Variants in THBS2 observed in about 807,000 individuals in gnomAD.
THBS2 encodes thrombospondin 2.
A neutral mutation model predicts 135.2 loss-of-function variants in THBS2; 47 were observed. The observed-to-expected ratio is 0.35, with a 90% confidence interval of 0.28 to 0.44. The LOEUF (loss-of-function observed/expected upper bound fraction) is 0.44. Ranked by LOEUF, THBS2 falls within the 20% of genes least tolerant of loss-of-function variation. The pLI is 1.00. For missense variants in THBS2, 1,288 were observed against 1,603.1 expected (o/e 0.80, Z 3.36); for synonymous variants, 639 against 633.8 (o/e 1.01, Z -0.12).
At position 169,226,266 on chromosome 6, in the gene THBS2, C is replaced by T. The variant is rs759165993; in HGVS notation, c.2452G>A (p.Val818Ile). 1.5e-5 allele frequency: 24 copies of T among 1,613,872 alleles called. No homozygotes were observed. The highest frequency in any genetic ancestry group is 1.6e-4 in the Middle Eastern group (1 of 6,082). The change falls in exon 16 of 22, where the codon GTC becomes ATC. Residue 818 changes from valine to isoleucine, a missense_variant. By Grantham distance (29) the Val-to-Ile change is conservative (BLOSUM62 3). Coordinates refer to ENST00000617924, the MANE Select transcript of THBS2 (RefSeq NM_003247.5). Reference protein sequence around the residue: ...VFNERDNCPYVYNTDQRDTDG... With the variant: ...VFNERDNCPYIYNTDQRDTDG... ...GTGTCCCTCTGGTCAGTGTTGTAGA[C>T]GTAGGGACAATTGTCTCGTTCATTG...
intron 4 of THBS2, among the ~76,000 whole-genome samples, chr6:169,244,343 A>AC: frequency 1.5e-5 from 1 of 66,496 alleles, no homozygotes; most frequent in Non-Finnish European, 2.9e-5. Flanking sequence ...CACACACACA[A>AC]GGTGTTTGCT....
In THBS2 at chr6:169,231,954, T is replaced by A. The variant is rs1192180792; in HGVS notation, c.2151+26A>T. 3 of 1,610,948 alleles carry A rather than the reference T, an allele frequency of 1.9e-6. No individual in the cohort carries two copies. The Admixed American group carries it at 5.0e-5, about 27-fold the overall frequency. ...AGGAGGGCTGACCGCCGTGGCCCCG[T>A]GTGCCCTGCGAGCCCCGCGCCTCAC... On this transcript the variant is annotated intron_variant, in intron 13 of 21. Coordinates refer to ENST00000617924, the MANE Select transcript of THBS2 (RefSeq NM_003247.5).
At position 169,222,204 on chromosome 6, in the gene THBS2, G is replaced by A. The variant is rs139254686; in HGVS notation, c.3266C>T (p.Pro1089Leu). The A allele has an allele frequency of 8.2e-4, 1,316 of 1,604,894 alleles. 3 individuals are homozygous for A. Among genetic ancestry groups the A allele is most frequent in the Middle Eastern group, 1.8e-3 (10 of 5,546 alleles). Residue 1089 changes from proline to leucine, a missense_variant, in exon 19 of 22, where the codon CCG becomes CTG. This residue lies in a region of THBS2 where 874 missense variants were observed against 1,156.1 expected (regional missense o/e 0.76). Coordinates refer to ENST00000617924, the MANE Select transcript of THBS2 (RefSeq NM_003247.5). ...RNALWHTGNT[P>L]GQVRTLWHDP... is the part of the protein sequence containing the mutation. Reference sequence around the variant, plus strand: ...CTGGCCAGCCAACCTCACCTGCCCCGGCGTGTTCCCCGTGTGCCACAGCGC... The same window carrying A: ...CTGGCCAGCCAACCTCACCTGCCCCAGCGTGTTCCCCGTGTGCCACAGCGC...
intron 13 of THBS2, among the ~76,000 whole-genome samples, chr6:169,230,291 AG>A (rs1476116497): frequency 4.6e-5 from 7 of 152,210 alleles, no homozygotes; most frequent in African/African-American, 1.7e-4. Flanking sequence ...TAACAACTTG[AG>A]GGAATTGGAA....
chr6:169,236,930 G>A (rs1396619167), intron 9 of THBS2, among the ~76,000 whole-genome samples: 1 of 152,246 alleles, frequency 6.6e-6, no homozygotes, highest in Non-Finnish European at 1.5e-5. Flanking sequence ...GTCCTGAACT[G>A]GAATGAAACG....
chr6:169,240,588 T>C lies in THBS2; in HGVS notation c.896A>G (p.Asn299Ser), dbSNP rs201239432. The C allele has an allele frequency of 3.2e-5, 52 of 1,613,624 alleles. No homozygotes were observed. The highest frequency in any genetic ancestry group is 4.2e-5 in the Non-Finnish European group (50 of 1,179,708). ...GAGCTCCCAGAGAAACTGGTTATCA[T>C]TCGACTGGAAAATCAAGTGAAACAT... ...QLSENLKRVS[N>S]DNQFLWELIG... Residue 299 changes from asparagine (N) to serine (S), a missense_variant, in exon 6 of 22, where the codon AAT (asparagine) becomes AGT (serine). Physicochemically the swap from Asn to Ser is conservative, Grantham distance 46 (BLOSUM62 1). Around this residue, in one of 2 missense-constraint regions of THBS2, gnomAD observed 414 missense variants for 447.0 expected, o/e 0.93. Transcript: ENST00000617924.
rs1347046640 is a variant in THBS2, at chr6:169,252,737, C to T, written c.-23+987G>A. On this transcript the variant is annotated intron_variant, in intron 1 of 21. Coordinates refer to ENST00000617924, the MANE Select transcript of THBS2 (RefSeq NM_003247.5). This position sits in a 1 kb window ranked among gnomAD's most constrained non-coding sequence, Gnocchi z 4.3. ...GCCACGGATGAGCCAGTGCCGCTCA[C>T]CCCTGCCCCAGCCTCTGCACGCCAC... Among the ~76,000 whole-genome samples the T allele has an allele frequency of 6.6e-6, 1 of 152,194 alleles. No homozygotes were observed. The highest frequency in any genetic ancestry group is 6.5e-5 in the Admixed American group (1 of 15,284).
In THBS2 at chr6:169,245,650, GGT is replaced by G. The variant is rs1250678722; in HGVS notation, c.694+545_694+546del. Among the ~76,000 whole-genome samples, 3 of 152,094 alleles carry G rather than the reference GGT, an allele frequency of 2.0e-5. No homozygotes were observed. The East Asian group carries it at 5.8e-4, about 30-fold the overall frequency. ...TACTAAAAATACAAAAAATTAGCTG[GGT>G]GTGGTGGCGGGTGCCTGTAGTCCCA... On this transcript the variant is annotated intron_variant, in intron 4 of 21. Coordinates refer to ENST00000617924, the MANE Select transcript of THBS2 (RefSeq NM_003247.5).
chr6:169,248,348 G>A (rs542008235), intron 3 of THBS2, 69 bp downstream of exon 3: 38 of 1,503,460 alleles, frequency 2.5e-5, no homozygotes, highest in African/African-American at 1.6e-4. Context: ...ATCACCAGAC[G>A]CATTAGCAGA....
intron 2 of THBS2, among the ~76,000 whole-genome samples, chr6:169,250,472 T>C (rs553630872): frequency 8.4e-4 from 128 of 152,342 alleles, no homozygotes; most frequent in African/African-American, 2.8e-3. Flanking sequence ...TGCAGTGTTG[T>C]GAACATCCTC....
Position 169,220,211 on chromosome 6 carries a change from C to G in THBS2, c.3498G>C (p.Lys1166Asn). 1 of 1,613,758 alleles carries G rather than the reference C, an allele frequency of 6.2e-7. No homozygotes were observed. Among genetic ancestry groups the G allele is most frequent in the East Asian group, 2.2e-5 (1 of 44,878 alleles). Residue 1166 changes from lysine to asparagine, a missense_variant, in exon 21 of 22, where the codon AAG (lysine) becomes AAC (asparagine). Transcript: ENST00000617924. ...GCTCACACTCACCTCTGCATTCGTA[C>G]TTGAGGTCTGAGAAATAGACCATTT... ...SQEMVYFSDL[K>N]YECRDI
chr6:169,228,433 C>T (rs1388827749), intron 14 of THBS2, 152 bp from the exon 15 acceptor site: 2 of 935,986 alleles, frequency 2.1e-6, no homozygotes, highest in Admixed American at 2.5e-5. Flanking sequence ...CGGTGGCTCA[C>T]ACCTTTAATC....
At chr6:169,228,785 G>A (rs546829219) in intron 14 of THBS2, among the ~76,000 whole-genome samples, 6 of 152,130 alleles carry the variant, frequency 3.9e-5, no homozygotes, top group East Asian at 1.9e-4. Context: ...TGAGCCGGGC[G>A]TGGTGGTGTG....
intron 13 of THBS2, among the ~76,000 whole-genome samples, chr6:169,230,725 G>A (rs1486127042): frequency 1.3e-5 from 2 of 152,250 alleles, no homozygotes; most frequent in Admixed American, 6.5e-5. Context: ...CTAGCAGCAC[G>A]GACTCAGCTG....
intron 21 of THBS2, chr6:169,219,768 C>T (rs763277900): frequency 1.9e-6 from 1 of 518,552 alleles, no homozygotes; most frequent in Non-Finnish European, 3.8e-6. Flanking sequence ...AGTTATCTTC[C>T]AGGTCTATAA....
intron 4 of THBS2, among the ~76,000 whole-genome samples, chr6:169,243,063 A>G (rs200392662): frequency 0.3 from 4,763 of 15,894 alleles, 161 homozygotes; most frequent in East Asian, 0.41. Context: ...CCTTCCCACC[A>G]CTCCCACCTT....
rs762558916 is a variant in THBS2, at chr6:169,234,836, G to A, written c.1549C>T (p.Arg517Cys). The A allele has an allele frequency of 5.6e-6, 9 of 1,612,934 alleles. No homozygotes were observed. Among genetic ancestry groups the A allele is most frequent in the African/African-American group, 1.3e-5 (1 of 74,894 alleles). ...TVTCAGGIRE[R>C]TRVCNSPEPQ... ...TCAGGGCTGTTGCAGACCCGGGTGC[G>A]CTCCCGGATCCCACCGGCACAGGTG... Residue 517 changes from arginine to cysteine, a missense_variant, in exon 10 of 22, where the codon CGC becomes TGC. Coordinates refer to ENST00000617924, the MANE Select transcript of THBS2 (RefSeq NM_003247.5).
rs1173769061 is a variant in THBS2, at chr6:169,228,189, G to A, written c.2352C>T (p.Asn784=). The change falls in exon 15 of 22, where the codon AAC becomes AAT. Residue 784 remains asparagine, a synonymous_variant. Coordinates refer to ENST00000617924, the MANE Select transcript of THBS2 (RefSeq NM_003247.5). ...TGTTGTCTGTGTCGATCTGGGCAGGGTTGTGCACGTAAGGGCAGTTGTCAC... is the reference window on the plus strand; with the variant it reads ...TGTTGTCTGTGTCGATCTGGGCAGGATTGTGCACGTAAGGGCAGTTGTCAC... ...DRCDNCPYVH[N]PAQIDTDNNG... 1.9e-6 allele frequency: 3 copies of A among 1,614,138 alleles called. No individual in the cohort carries two copies. Among genetic ancestry groups the A allele is most frequent in the South Asian group, 2.2e-5 (2 of 91,068 alleles).
chr6:169,240,509 C>G lies in THBS2; in HGVS notation c.975G>C (p.Arg325=). Residue 325 remains arginine (R), a synonymous_variant, in exon 6 of 22, where the codon CGG becomes CGC. Coordinates refer to ENST00000617924, the MANE Select transcript of THBS2 (RefSeq NM_003247.5). ...RNMSACWQDG[R]FFAENETWVV... is the part of the protein sequence containing the mutation. ...CCCACGTTTCATTTTCCGCAAAGAA[C>G]CGGCCATCCTGCCAGCAAGCTGACA... 6.2e-7 allele frequency: 1 copy of G among 1,614,014 alleles called. No homozygotes were observed. Among genetic ancestry groups the G allele is most frequent in the Non-Finnish European group, 8.5e-7 (1 of 1,180,024 alleles).
Sources: allele counts gnomAD v4.1 joint callset (sites outside exome capture counted in the v4.1 genomes callset), GRCh38; gene constraint gnomAD v4.1.1; regional missense constraint gnomAD v4.1.1; non-coding constraint Gnocchi (gnomAD v3.1); transcripts MANE v1.5; gene names NCBI Gene and HGNC (gene_info 2026-07-23, HGNC 2026-07-21).